The following POLR1E variants were observed in gnomAD, a reference collection of about 807,000 sequenced individuals.
POLR1E encodes RNA polymerase I subunit E.
Under a neutral mutation model 50.9 loss-of-function variants are expected in POLR1E, and 37 were observed. The ratio of observed to expected loss-of-function variants is 0.73; its 90% confidence interval spans 0.56 to 0.96. POLR1E has a LOEUF of 0.96. Ranked by LOEUF, POLR1E falls within the 40% of genes least tolerant of loss-of-function variation. The probability of loss-of-function intolerance (pLI) is 0.00; values close to 1 mark genes in which losing one functional copy is unlikely to be tolerated. For synonymous variants in POLR1E, 166 were observed against 191.6 expected, an observed-to-expected ratio of 0.87 and a Z score of 1.10; for missense variants, 426 against 518.1, an observed-to-expected ratio of 0.82 and a Z score of 1.73.
At chr9:37,501,492 T>C (rs2119022028) in intron 10 of POLR1E, among the ~76,000 whole-genome samples, 1 of 152,328 alleles carries the variant, frequency 6.6e-6, no homozygotes, top group Admixed American at 6.5e-5. Flanking sequence ...CCCAGCTTTC[T>C]CTATCTGCCT....
chr9:37,486,629 A>C, intron 1 of POLR1E, 74 bp from the exon 2 acceptor site: 2 of 1,614,120 alleles, frequency 1.2e-6, no homozygotes, highest in Non-Finnish European at 1.7e-6. Flanking sequence ...GTGACAGTCT[A>C]GTCCCACCGT....
Position 37,485,984 on chromosome 9 carries a change from GT to G in POLR1E, c.-61del, listed in dbSNP as rs545214438. 41 of 1,560,922 alleles carry G rather than the reference GT, an allele frequency of 2.6e-5. No homozygotes were observed. Among genetic ancestry groups the G allele is most frequent in the African/African-American group, 4.1e-5 (3 of 74,040 alleles). On this transcript the variant is annotated 5_prime_UTR_variant, in exon 1 of 12. Coordinates refer to ENST00000377798, the MANE Select transcript of POLR1E (RefSeq NM_022490.4). ...CGCAGCGCGGCCTGGGCTCCCGCGT[GT>G]TTAAAAGTGCGCTTGTGGCTGCTGC... is the stretch of plus-strand genomic sequence containing the variant.
At chr9:37,486,211 C>T in intron 1 of POLR1E, 88 bp downstream of exon 1, 4 of 1,448,834 alleles carry the variant, frequency 2.8e-6, no homozygotes, top group South Asian at 1.4e-5. Flanking sequence ...CTCCGTTGGG[C>T]TTCTCCCCAG....
chr9:37,488,591 C>CT (rs1820620072), intron 3 of POLR1E, among the ~76,000 whole-genome samples: 1 of 152,264 alleles, frequency 6.6e-6, no homozygotes, highest in Admixed American at 6.5e-5. Context: ...ACCCTGCACT[C>CT]TCCCCTCTCA....
chr9:37,493,742 T>C lies in POLR1E; in HGVS notation c.547+39T>C, dbSNP rs73439424. 1,850 of 1,428,274 alleles carry C rather than the reference T, an allele frequency of 1.3e-3. 28 individuals are homozygous for C. In the African/African-American group the frequency reaches 0.023, roughly 18 times the overall value. The allele number at this position is 1,428,274 out of a possible 1,614,324, so 88.5% of individuals were successfully genotyped here. ...ACTTGGGCTAAGAGTCTGCCCATAATGACAGCTTTCTCTTCTCTTGAGATC... is the reference window on the plus strand; with the variant it reads ...ACTTGGGCTAAGAGTCTGCCCATAACGACAGCTTTCTCTTCTCTTGAGATC... On this transcript the variant is annotated intron_variant, in intron 6 of 11. Coordinates refer to ENST00000377798, the MANE Select transcript of POLR1E (RefSeq NM_022490.4).
chr9:37,495,427 A>G, intron 7 of POLR1E, 151 bp downstream of exon 7: 3 of 688,258 alleles, frequency 4.4e-6, no homozygotes, highest in Non-Finnish European at 5.0e-6. Flanking sequence ...TCTTGCCAGG[A>G]GGTTAACTTG....
chr9:37,486,337 C>T (rs1480337261), intron 1 of POLR1E: 24 of 1,381,562 alleles, frequency 1.7e-5, no homozygotes, highest in Non-Finnish European at 2.2e-5. Flanking sequence ...ACCCGCTCCC[C>T]AGAGCTGTGT....
chr9:37,492,291 C>G, intron 4 of POLR1E: 6 of 1,293,924 alleles, frequency 4.6e-6, no homozygotes, highest in Non-Finnish European at 6.0e-6. Flanking sequence ...GGTCTTTCAC[C>G]AAGAAAGCAA....
intron 8 of POLR1E, among the ~76,000 whole-genome samples, chr9:37,496,514 A>G (rs1334015544): frequency 1.3e-5 from 2 of 151,054 alleles, no homozygotes; most frequent in South Asian, 2.1e-4. Flanking sequence ...TTCTTTTAAT[A>G]ATTTTATTTT....
intron 9 of POLR1E, among the ~76,000 whole-genome samples, chr9:37,498,620 TA>T (rs1820825856): frequency 6.6e-6 from 1 of 152,232 alleles, no homozygotes; most frequent in African/African-American, 2.4e-5. Flanking sequence ...GCTTATGAGT[TA>T]CACAGATGTA....
At chr9:37,502,964 T>G in intron 11 of POLR1E, 79 bp from the exon 12 acceptor site, 2 of 1,394,038 alleles carry the variant, frequency 1.4e-6, no homozygotes, top group Non-Finnish European at 1.9e-6. Context: ...AGCATGAATG[T>G]GCTGCTACCT....
intron 8 of POLR1E, among the ~76,000 whole-genome samples, chr9:37,497,378 A>C (rs115812890): frequency 0.023 from 3,501 of 152,218 alleles, 119 homozygotes; most frequent in African/African-American, 0.08. Context: ...AACAAACAAA[A>C]AAAGAAACTT....
At chr9:37,489,974 T>C (rs1259868739) in intron 4 of POLR1E, among the ~76,000 whole-genome samples, 1 of 152,180 alleles carries the variant, frequency 6.6e-6, no homozygotes, top group Non-Finnish European at 1.5e-5. Flanking sequence ...ACAGATCCTG[T>C]CCCCATAGTG....
intron 11 of POLR1E, among the ~76,000 whole-genome samples, chr9:37,502,677 A>G (rs1820911070): frequency 6.6e-6 from 1 of 152,222 alleles, no homozygotes; most frequent in East Asian, 1.9e-4. Context: ...TCCCACAGGC[A>G]GTGAGGCTGA....
chr9:37,497,657 C>G (rs1820808483), intron 8 of POLR1E, among the ~76,000 whole-genome samples: 2 of 152,232 alleles, frequency 1.3e-5, no homozygotes, highest in African/African-American at 4.8e-5. Context: ...GCCTCCAAAG[C>G]CTAAAATATT....
At chr9:37,487,354 G>A (rs1413323863) in intron 2 of POLR1E, among the ~76,000 whole-genome samples, 1 of 152,212 alleles carries the variant, frequency 6.6e-6, no homozygotes, top group Non-Finnish European at 1.5e-5. Flanking sequence ...TCCTTGGTGA[G>A]GTCATGTTGG....
intron 1 of POLR1E, chr9:37,486,379 G>A: frequency 6.7e-7 from 1 of 1,495,300 alleles, no homozygotes; most frequent in Non-Finnish European, 8.9e-7. Flanking sequence ...CACCCACCAG[G>A]TCTCCCGCCT....
rs749663002 is a variant in POLR1E, at chr9:37,495,236, T to C, written c.615T>C (p.Asp205=). Reference sequence around the variant, plus strand: ...CCCTCTACCTTCCTCCCTGCTATGATGATGCAGCCAAGCCTGAAGACGTGT... The same window carrying C: ...CCCTCTACCTTCCTCCCTGCTATGACGATGCAGCCAAGCCTGAAGACGTGT... ...DDSLYLPPCY[D]DAAKPEDVYK... is the part of the protein sequence containing the mutation. Residue 205 remains aspartate, a synonymous_variant, in exon 7 of 12, where the codon GAT becomes GAC. Transcript: ENST00000377798. 6 of 1,614,142 alleles carry C rather than the reference T, an allele frequency of 3.7e-6. No individual in the cohort carries two copies. The highest frequency in any genetic ancestry group is 5.1e-6 in the Non-Finnish European group (6 of 1,179,984).
chr9:37,490,681 C>G (rs947037111), intron 4 of POLR1E: 1 of 697,518 alleles, frequency 1.4e-6, no homozygotes, highest in Admixed American at 1.9e-5. Context: ...TACAACAATG[C>G]CAGCAGCATG....
Sources: gnomAD v4.1 joint callset for allele counts (sites outside exome capture counted in the v4.1 genomes callset) on GRCh38, gnomAD v4.1.1 for gene constraint, MANE v1.5 for transcripts, NCBI Gene and HGNC (gene_info 2026-07-23, HGNC 2026-07-21) for gene names.